DOCK3: variants seen among roughly 807,000 people sequenced by gnomAD.
The protein encoded by DOCK3 is dedicator of cytokinesis 3.
A neutral mutation model predicts 265.6 loss-of-function variants in DOCK3; 60 were observed. That is an observed-to-expected ratio of 0.23 (90% CI 0.18 to 0.28). The LOEUF is 0.28. Ranked by LOEUF, DOCK3 falls within the 10% of genes least tolerant of loss-of-function variation. The probability of loss-of-function intolerance (pLI) is 1.00; values close to 1 mark genes in which losing one functional copy is unlikely to be tolerated. For synonymous variants in DOCK3, 881 were observed against 938.0 expected (o/e 0.94, Z 1.11); for missense variants, 1,981 against 2,594.3 (o/e 0.76, Z 5.14).
intron 1 of DOCK3, among the ~76,000 whole-genome samples, chr3:50,730,862 G>A: frequency 6.6e-6 from 1 of 151,584 alleles, no homozygotes; most frequent in Non-Finnish European, 1.5e-5. Context: ...CGGGCGTGGT[G>A]GCTCATGCCT....
chr3:50,856,430 G>C (rs2046599351), intron 3 of DOCK3, among the ~76,000 whole-genome samples: 1 of 151,808 alleles, frequency 6.6e-6, no homozygotes, highest in African/African-American at 2.4e-5. Flanking sequence ...ATTTCTCTAT[G>C]ATCAGTGATG....
chr3:51,268,435 C>G (rs1425258418), intron 23 of DOCK3, among the ~76,000 whole-genome samples: 1 of 152,136 alleles, frequency 6.6e-6, no homozygotes, highest in African/African-American at 2.4e-5. Flanking sequence ...GATATTTTTC[C>G]TTACAAATGA....
chr3:50,900,890 T>G, intron 4 of DOCK3: 1 of 430,288 alleles, frequency 2.3e-6, no homozygotes, highest in South Asian at 1.7e-5. Context: ...GCCAGAGCTC[T>G]CCTGTATGAG....
intron 1 of DOCK3, among the ~76,000 whole-genome samples, chr3:50,751,871 G>C (rs769789772): frequency 2.6e-5 from 4 of 152,080 alleles, no homozygotes; most frequent in Admixed American, 6.6e-5. Flanking sequence ...GAAGTATGAG[G>C]AGTGAAGGGG....
At chr3:50,992,474 A>G (rs570702841) in intron 5 of DOCK3, among the ~76,000 whole-genome samples, 1 of 151,972 alleles carries the variant, frequency 6.6e-6, no homozygotes, top group Non-Finnish European at 1.5e-5. Context: ...ATTTTTTATT[A>G]GTAGTAGAGA....
chr3:51,109,606 C>G (rs1009068142), intron 9 of DOCK3, among the ~76,000 whole-genome samples: 2 of 151,954 alleles, frequency 1.3e-5, no homozygotes, highest in Non-Finnish European at 2.9e-5. Context: ...ATAAAATAGT[C>G]CATTAGCTAG....
intron 21 of DOCK3, among the ~76,000 whole-genome samples, chr3:51,242,526 C>T (rs2078654130): frequency 6.6e-6 from 1 of 152,160 alleles, no homozygotes; most frequent in Non-Finnish European, 1.5e-5. Flanking sequence ...GGCAACATGG[C>T]TGGGCAGAGC....
intron 27 of DOCK3, among the ~76,000 whole-genome samples, chr3:51,308,853 C>T (rs1282463342): frequency 1.1e-4 from 16 of 151,874 alleles, no homozygotes; most frequent in Admixed American, 8.5e-4. Context: ...CGGAGGGGCT[C>T]CTCACTTCTC....
intron 27 of DOCK3, among the ~76,000 whole-genome samples, chr3:51,281,790 G>C (rs895857684): frequency 3.9e-5 from 6 of 152,128 alleles, no homozygotes; most frequent in African/African-American, 1.4e-4. Flanking sequence ...AAAGAGATCT[G>C]CCCTTTTGGT....
Position 51,059,830 on chromosome 3 carries a change from A to T in DOCK3, c.316-4618A>T, listed in dbSNP as rs527656851. 8.5e-5 allele frequency among the ~76,000 whole-genome samples: 13 copies of T among 152,052 alleles called. No homozygotes were observed. The South Asian group carries it at 2.7e-3, about 32-fold the overall frequency. On this transcript the variant is annotated intron_variant, in intron 5 of 52. Coordinates refer to ENST00000266037, the MANE Select transcript of DOCK3 (RefSeq NM_004947.5). ...AGTATCAAGCCTCCTACCTAAATCA[A>T]ACCCTCCCCTTTTTTCCCCAGGATC...
chr3:51,358,142 C>A, intron 46 of DOCK3, 65 bp downstream of exon 46: 2 of 1,509,472 alleles, frequency 1.3e-6, no homozygotes, highest in Non-Finnish European at 9.1e-7. Flanking sequence ...CAGACCTACG[C>A]CACAAACCAA....
chr3:50,935,400 G>T (rs953538048), intron 5 of DOCK3, among the ~76,000 whole-genome samples: 12 of 152,154 alleles, frequency 7.9e-5, no homozygotes, highest in African/African-American at 2.7e-4. Context: ...AAAAATGTAG[G>T]GGTGGGTGGC....
At chr3:50,738,876 C>T (rs1379355926) in intron 1 of DOCK3, among the ~76,000 whole-genome samples, 4 of 151,978 alleles carry the variant, frequency 2.6e-5, no homozygotes, top group East Asian at 1.9e-4. Context: ...AGTCTTAAAC[C>T]ATCATATTTC....
At chr3:51,088,967 G>A (rs943790405) in intron 7 of DOCK3, among the ~76,000 whole-genome samples, 1 of 151,878 alleles carries the variant, frequency 6.6e-6, no homozygotes, top group African/African-American at 2.4e-5. Context: ...ACCAGGCACC[G>A]ACTTGTGACT....
chr3:51,056,910 A>G (rs1397348995), intron 5 of DOCK3, among the ~76,000 whole-genome samples: 2 of 152,240 alleles, frequency 1.3e-5, no homozygotes, highest in Admixed American at 1.3e-4. Context: ...ATTTTGATGT[A>G]AAGTTTTTAG....
intron 23 of DOCK3, among the ~76,000 whole-genome samples, chr3:51,263,559 C>G (rs572944750): frequency 6.6e-6 from 1 of 152,292 alleles, no homozygotes; most frequent in East Asian, 1.9e-4. Flanking sequence ...GGATGAAATT[C>G]ACACATAACT....
At chr3:51,079,372 G>A (rs1250827733) in intron 7 of DOCK3, among the ~76,000 whole-genome samples, 1 of 151,990 alleles carries the variant, frequency 6.6e-6, no homozygotes, top group Non-Finnish European at 1.5e-5. Flanking sequence ...TGTCTTTGTT[G>A]CCATGGCTGG....
At chr3:50,679,902 A>C (rs1355237744) in intron 1 of DOCK3, among the ~76,000 whole-genome samples, 2 of 152,190 alleles carry the variant, frequency 1.3e-5, no homozygotes, top group African/African-American at 4.8e-5. Context: ...TCATGATTCT[A>C]CTTGAGCTTT....
intron 1 of DOCK3, among the ~76,000 whole-genome samples, chr3:50,704,721 G>A (rs897315334): frequency 6.6e-6 from 1 of 151,300 alleles, no homozygotes; most frequent in Non-Finnish European, 1.5e-5. Flanking sequence ...CCCTTCCTGG[G>A]TTCAGGCTAT....
Sources: allele counts gnomAD v4.1 joint callset (sites outside exome capture counted in the v4.1 genomes callset), GRCh38; gene constraint gnomAD v4.1.1; transcripts MANE v1.5; gene names NCBI Gene and HGNC (gene_info 2026-07-23, HGNC 2026-07-21).